The following FHOD3 variants were observed in gnomAD, a reference collection of about 807,000 sequenced individuals.
The protein encoded by FHOD3 is FH1/FH2 domain-containing protein 3.
Under a neutral mutation model 173.0 loss-of-function variants are expected in FHOD3, and 90 were observed. The ratio of observed to expected loss-of-function variants is 0.52; its 90% CI spans 0.44 to 0.62. The LOEUF is 0.62. Ranked by LOEUF, FHOD3 falls within the 20% of genes least tolerant of loss-of-function variation. The pLI, the probability that FHOD3 is intolerant of heterozygous loss-of-function variation, is 0.00. For missense variants in FHOD3, 1,945 were observed against 2,034.7 expected (o/e 0.96, Z 0.85); for synonymous variants, 828 against 823.0 (o/e 1.01, Z -0.10).
rs8087763 is a variant in FHOD3 at position 36,594,995 on chromosome 18, T to C, written c.718+97T>C. ...TGCTTGAGACAGATATAAGAATTAA[T>C]AGAATTCCCGAGATGTGGACTTCCC... On this transcript the variant is annotated intron_variant, in intron 7 of 28. Coordinates refer to ENST00000590592, the MANE Select transcript of FHOD3 (RefSeq NM_001281740.3). 508,816 of 749,068 alleles carry C rather than the reference T, an allele frequency of 0.68. 175,400 individuals are homozygous for C. The highest frequency in any genetic ancestry group is 0.92 in the East Asian group (31,189 of 34,036). 46.4% of individuals were successfully genotyped at this position (749,068 alleles called of 1,614,324 possible).
chr18:36,389,157 TAA>T (rs1289995193), intron 3 of FHOD3, among the ~76,000 whole-genome samples: 24 of 152,052 alleles, frequency 1.6e-4, no homozygotes. Context: ...TATTTGCGAA[TAA>T]AGATGCATTG....
intron 3 of FHOD3, among the ~76,000 whole-genome samples, chr18:36,482,933 C>A (rs1192611068): frequency 3.3e-5 from 5 of 150,688 alleles, no homozygotes; most frequent in African/African-American, 4.9e-5. Context: ...GTTTACAATG[C>A]ATGACTCAAC....
intron 17 of FHOD3, among the ~76,000 whole-genome samples, 158 bp downstream of exon 17, chr18:36,693,581 A>G (rs1312938546): frequency 6.6e-6 from 1 of 152,232 alleles, no homozygotes; most frequent in Admixed American, 6.5e-5. Flanking sequence ...CTGCCTGGTC[A>G]CTAACAAACT....
intron 2 of FHOD3, among the ~76,000 whole-genome samples, chr18:36,356,996 T>C (rs1168144545): frequency 1.3e-5 from 2 of 152,160 alleles, no homozygotes; most frequent in Non-Finnish European, 1.5e-5. Flanking sequence ...TTCAGGAAAC[T>C]TAAGAGTTTC....
chr18:36,383,092 G>C (rs2047871740), intron 3 of FHOD3, among the ~76,000 whole-genome samples: 1 of 152,188 alleles, frequency 6.6e-6, no homozygotes, highest in Admixed American at 6.5e-5. Context: ...CTGTGCAGGC[G>C]GCTGTTTCCA....
At chr18:36,580,634 T>C (rs564150479) in intron 6 of FHOD3, among the ~76,000 whole-genome samples, 51 of 152,352 alleles carry the variant, frequency 3.3e-4, no homozygotes, top group African/African-American at 1.2e-3. Context: ...TCACCTCTTA[T>C]TTACAAAACC....
At chr18:36,541,025 C>G (rs933049241) in intron 5 of FHOD3, among the ~76,000 whole-genome samples, 5 of 146,622 alleles carry the variant, frequency 3.4e-5, no homozygotes, top group Non-Finnish European at 7.5e-5. Context: ...CCGAGGCAGG[C>G]GTATCACCTG....
At chr18:36,759,094 G>A (rs1424844326) in intron 25 of FHOD3, 24 bp from the exon 26 acceptor site, 2 of 1,535,798 alleles carry the variant, frequency 1.3e-6, no homozygotes, top group Non-Finnish European at 1.7e-6. Context: ...TTTCCGTCCT[G>A]TCCTGTCCTG....
At chr18:36,469,805 T>C (rs1238283933) in intron 3 of FHOD3, among the ~76,000 whole-genome samples, 1 of 151,698 alleles carries the variant, frequency 6.6e-6, no homozygotes, top group African/African-American at 2.4e-5. Context: ...AGGAAAGTTG[T>C]TGGAGGGTTA....
At chr18:36,613,875 A>T (rs758143127) in intron 9 of FHOD3, among the ~76,000 whole-genome samples, 12 of 151,916 alleles carry the variant, frequency 7.9e-5, no homozygotes, top group Non-Finnish European at 1.8e-4. Context: ...GTTTCACCAT[A>T]TGGGCCCGAT....
intron 5 of FHOD3, among the ~76,000 whole-genome samples, chr18:36,566,778 A>C (rs2058279703): frequency 6.6e-6 from 1 of 152,092 alleles, no homozygotes; most frequent in African/African-American, 2.4e-5. Flanking sequence ...CAATTAAGGG[A>C]ATTGGGTGAC....
intron 3 of FHOD3, among the ~76,000 whole-genome samples, chr18:36,379,385 TAATTA>T (rs1338977932): frequency 6.6e-6 from 1 of 152,238 alleles, no homozygotes; most frequent in African/African-American, 2.4e-5. Context: ...CATTTTACTT[TAATTA>T]AATTATTTAT....
In FHOD3 at chr18:36,594,891, G is replaced by A. The variant is rs753187423; in HGVS notation, c.711G>A (p.Thr237=). ...TTCAGGCTGTCACTGCTGTTGACAC[G>A]AAAAGAGGTGAGTAGTCCCTGCCCC... ...LLIQAVTAVD[T]KRGVKPWSNI... The change falls in exon 7 of 29, where the codon ACG becomes ACA. Residue 237 remains threonine, a synonymous_variant. Coordinates refer to ENST00000590592, the MANE Select transcript of FHOD3 (RefSeq NM_001281740.3). The A allele has an allele frequency of 9.9e-6, 16 of 1,609,416 alleles. 1 individual carries two copies. Among genetic ancestry groups the A allele is most frequent in the South Asian group, 5.5e-5 (5 of 90,510 alleles).
chr18:36,497,043 G>T (rs796919858), intron 3 of FHOD3, among the ~76,000 whole-genome samples: 29 of 152,298 alleles, frequency 1.9e-4, no homozygotes, highest in African/African-American at 6.7e-4. Context: ...ATTAACATTT[G>T]TGAATCTGCA....
At chr18:36,660,666 T>C (rs531525914) in intron 14 of FHOD3, among the ~76,000 whole-genome samples, 24 of 152,094 alleles carry the variant, frequency 1.6e-4, no homozygotes, top group African/African-American at 5.8e-4. Flanking sequence ...GAAAAGCAAA[T>C]TGGGTGGAGA....
Position 36,466,797 on chromosome 18 carries a change from C to A in FHOD3, c.338-35135C>A, listed in dbSNP as rs545203284. On this transcript the variant is annotated intron_variant, in intron 3 of 28. Coordinates refer to ENST00000590592, the MANE Select transcript of FHOD3 (RefSeq NM_001281740.3). The stretch of plus-strand genomic sequence containing the variant: ...GGGAGTCAGAGTTTCTGAAAAACAA[C>A]TCAGAGACATACGTTAAGTAAGATG... 9.2e-5 allele frequency among the ~76,000 whole-genome samples: 14 copies of A among 152,128 alleles called. 1 individual carries two copies. In the South Asian group the frequency reaches 2.9e-3, roughly 32 times the overall value.
At chr18:36,639,412 T>C (rs958366573) in intron 10 of FHOD3, among the ~76,000 whole-genome samples, 3 of 151,762 alleles carry the variant, frequency 2.0e-5, no homozygotes, top group South Asian at 2.1e-4. Context: ...GTGGCTCACC[T>C]CTGTAATCCC....
At chr18:36,507,678 G>T (rs1177750408) in intron 4 of FHOD3, among the ~76,000 whole-genome samples, 1 of 152,116 alleles carries the variant, frequency 6.6e-6, no homozygotes, top group African/African-American at 2.4e-5. Flanking sequence ...CTCTAATTTG[G>T]TAAATATTGT....
intron 3 of FHOD3, among the ~76,000 whole-genome samples, chr18:36,497,951 G>A (rs1034910278): frequency 1.3e-5 from 2 of 151,986 alleles, no homozygotes; most frequent in African/African-American, 2.4e-5. Context: ...GCCATATTCC[G>A]GGCCATAAAA....
Sources: allele counts gnomAD v4.1 joint callset (sites outside exome capture counted in the v4.1 genomes callset), GRCh38; gene constraint gnomAD v4.1.1; transcripts MANE v1.5; gene names NCBI Gene and HGNC (gene_info 2026-07-23, HGNC 2026-07-21).